UTP6: variants seen among roughly 807,000 people sequenced by gnomAD.
The protein encoded by UTP6 is U3 small nucleolar RNA-associated protein 6 homolog.
Under a neutral mutation model 96.5 loss-of-function variants are expected in UTP6, and 60 were observed. That is an observed-to-expected ratio of 0.62 (90% CI 0.51 to 0.77). UTP6 has a LOEUF of 0.77. Ranked by LOEUF, UTP6 falls within the 30% of genes least tolerant of loss-of-function variation. UTP6 has a pLI of 0.00. For synonymous variants in UTP6, 215 were observed against 240.1 expected (o/e 0.90, Z 0.96); for missense variants, 637 against 706.5 (o/e 0.90, Z 1.12).
chr17:31,862,190 CG>C lies in UTP6; in HGVS notation c.*1168del. The C allele has an allele frequency of 6.6e-6, 1 of 151,842 alleles. No homozygotes were observed. Among genetic ancestry groups the C allele is most frequent in the East Asian group, 1.9e-4 (1 of 5,132 alleles). The allele number at this position is 151,842 out of a possible 1,614,324, so 9.4% of individuals were successfully genotyped here. On this transcript the variant is annotated 3_prime_UTR_variant, in exon 19 of 19. Coordinates refer to ENST00000261708, the MANE Select transcript of UTP6 (RefSeq NM_018428.3). ...GTGCCTGTAATCCCACCCAGCTGCT[CG>C]GGAGGCTGAGCCAGAACCACTTGAA... is the stretch of plus-strand genomic sequence containing the variant.
rs1567776595 is a variant in UTP6 at position 31,868,324 on chromosome 17, G to GT, written c.1497-213_1497-212insA. Among the ~76,000 whole-genome samples, 306 of 58,736 alleles carry GT rather than the reference G, an allele frequency of 5.2e-3. 3 individuals carry two copies. The highest frequency in any genetic ancestry group is 0.015 in the African/African-American group (294 of 19,742). The allele number at this position is 58,736 out of a possible 152,430, so 38.5% of individuals were successfully genotyped here. A position where few individuals can be genotyped will look rare whatever the true frequency, so the allele number is the denominator to read the frequency against. ...CTTCATACCCAGTTCTTAGTTTTTT[G>GT]GTTTTTTTTTTTTTTTTTTTTTTGA... On this transcript the variant is annotated intron_variant, in intron 16 of 18. Coordinates refer to ENST00000261708, the MANE Select transcript of UTP6 (RefSeq NM_018428.3).
intron 2 of UTP6, among the ~76,000 whole-genome samples, chr17:31,896,705 T>A (rs866032010): frequency 6.6e-6 from 1 of 151,640 alleles, no homozygotes. Flanking sequence ...GGCGCCATCA[T>A]GGCTCACTAC....
At chr17:31,878,881 C>T in intron 11 of UTP6, 100 bp from the exon 12 acceptor site, 1 of 1,103,894 alleles carries the variant, frequency 9.1e-7, no homozygotes, top group East Asian at 2.4e-5. Context: ...CATCCTACAC[C>T]TTTACTTCAA....
Position 31,863,233 on chromosome 17 carries a change from G to T in UTP6, c.*126C>A. ...TAACAAGTTAACATAAAATTAAAGT[G>T]TGTCTCAAAACCAGACAGCCATCTT... On this transcript the variant is annotated 3_prime_UTR_variant, in exon 19 of 19. Transcript: ENST00000261708. The T allele has an allele frequency of 1.1e-6, 1 of 951,348 alleles. No individual in the cohort carries two copies. Among genetic ancestry groups the T allele is most frequent in the Non-Finnish European group, 1.6e-6 (1 of 629,406 alleles). The allele number at this position is 951,348 out of a possible 1,614,324, so 58.9% of individuals were successfully genotyped here. A position where few individuals can be genotyped will look rare whatever the true frequency, so the allele number is the denominator to read the frequency against.
intron 10 of UTP6, among the ~76,000 whole-genome samples, chr17:31,883,007 A>G (rs915035967): frequency 6.6e-6 from 1 of 152,048 alleles, no homozygotes; most frequent in Non-Finnish European, 1.5e-5. Context: ...AAGCTTACAA[A>G]TAATTGTTAA....
At chr17:31,898,447 C>T (rs1180146988) in intron 2 of UTP6, among the ~76,000 whole-genome samples, 2 of 152,028 alleles carry the variant, frequency 1.3e-5, no homozygotes, top group African/African-American at 2.4e-5. Flanking sequence ...ACTGCTTGAA[C>T]CCAGGAAGCG....
rs1911192941 is a variant in UTP6 at position 31,887,121 on chromosome 17, T to G, written c.621+115A>C. 4.3e-6 allele frequency: 4 copies of G among 939,884 alleles called. No individual in the cohort carries two copies. The East Asian group carries it at 1.1e-4, about 26-fold the overall frequency. The allele number at this position is 939,884 out of a possible 1,614,324, so 58.2% of individuals were successfully genotyped here. A position where few individuals can be genotyped will look rare whatever the true frequency, so the allele number is the denominator to read the frequency against. Reference sequence around the variant, plus strand: ...CTGTGTGACAGACCGAGACTCCGTCTCAAAAAAAAAGAAAAAAAAAGAAAA... The same window carrying G: ...CTGTGTGACAGACCGAGACTCCGTCGCAAAAAAAAAGAAAAAAAAAGAAAA... On this transcript the variant is annotated intron_variant, in intron 8 of 18. Coordinates refer to ENST00000261708, the MANE Select transcript of UTP6 (RefSeq NM_018428.3).
intron 17 of UTP6, among the ~76,000 whole-genome samples, chr17:31,866,887 CAAAAAAA>C (rs56235737): frequency 1.1e-4 from 5 of 43,568 alleles, no homozygotes; most frequent in African/African-American, 2.3e-4. Flanking sequence ...ACTCTTGTCT[CAAAAAAA>C]AAAAAAAAAA....
intron 2 of UTP6, among the ~76,000 whole-genome samples, chr17:31,896,500 T>C (rs1317153331): frequency 2.0e-5 from 3 of 152,228 alleles, no homozygotes; most frequent in African/African-American, 7.2e-5. Context: ...TGCCCATTTT[T>C]CTTTTTAGTT....
chr17:31,897,569 C>T (rs1389610068), intron 2 of UTP6, among the ~76,000 whole-genome samples: 1 of 151,534 alleles, frequency 6.6e-6, no homozygotes, highest in Non-Finnish European at 1.5e-5. Flanking sequence ...CTGCCTCAGC[C>T]CCTGAGTAGC....
intron 9 of UTP6, 52 bp from the exon 10 acceptor site, chr17:31,884,557 T>G: frequency 7.1e-7 from 1 of 1,406,416 alleles, no homozygotes; most frequent in Non-Finnish European, 9.9e-7. Context: ...AGAATCACTT[T>G]ACTTTAAAAG....
chr17:31,898,259 G>A (rs867561738), intron 2 of UTP6, among the ~76,000 whole-genome samples: 3 of 152,114 alleles, frequency 2.0e-5, no homozygotes, highest in Non-Finnish European at 4.4e-5. Flanking sequence ...GATGTTGGCC[G>A]GGCGTGGTGG....
At chr17:31,884,802 C>A (rs1473883742) in intron 9 of UTP6, 2 of 241,842 alleles carry the variant, frequency 8.3e-6, no homozygotes, top group East Asian at 9.9e-5. Flanking sequence ...ACCAGTTATG[C>A]CATCACTTTG....
At chr17:31,892,193 G>A (rs1193800637) in intron 6 of UTP6, 67 bp downstream of exon 6, 33 of 1,546,812 alleles carry the variant, frequency 2.1e-5, no homozygotes, top group Admixed American at 5.2e-5. Flanking sequence ...TTCATCAATC[G>A]AAATAAAATC....
At chr17:31,893,096 C>A (rs1904421689) in intron 4 of UTP6, among the ~76,000 whole-genome samples, 1 of 152,040 alleles carries the variant, frequency 6.6e-6, no homozygotes. Context: ...TATGGTGAAA[C>A]CCCGTCTCTA....
Position 31,892,770 on chromosome 17 carries a change from A to C in UTP6, c.337T>G (p.Tyr113Asp). 1 of 1,614,188 alleles carries C rather than the reference A, an allele frequency of 6.2e-7. No individual in the cohort carries two copies. The highest frequency in any genetic ancestry group is 8.5e-7 in the Non-Finnish European group (1 of 1,180,014). ...WKDDVQLWLS[Y>D]VAFCKKWATK... ...ACCCACTTCTTACAAAAAGCCACAT[A>C]GGAGAGCCAAAGTTGAACATCGTCC... The change falls in exon 5 of 19, where the codon TAT becomes GAT. Residue 113 changes from tyrosine to aspartate, a missense_variant. By Grantham distance (160) the Tyr-to-Asp change is radical. Transcript: ENST00000261708.
At position 31,878,704 on chromosome 17, in the gene UTP6, T is replaced by C. The variant is rs1421249928; in HGVS notation, c.1045A>G (p.Lys349Glu). Residue 349 changes from lysine (K) to glutamate (E), a missense_variant and splice_region_variant, in exon 12 of 19, where the codon AAG (lysine) becomes GAG (glutamate). Physicochemically the swap from Lys to Glu is moderately conservative, Grantham distance 56. Coordinates refer to ENST00000261708, the MANE Select transcript of UTP6 (RefSeq NM_018428.3). Reference sequence around the variant, plus strand: ...CTGTAACCATGTAACAACCTCACCTTCCCTCTAAGGAACCCACTATTTGAC... The same window carrying C: ...CTGTAACCATGTAACAACCTCACCTCCCCTCTAAGGAACCCACTATTTGAC... ...KKSNSGFLRG[K>E]RLERTMTVFR... 4 of 1,613,726 alleles carry C rather than the reference T, an allele frequency of 2.5e-6. No homozygotes were observed. Among genetic ancestry groups the C allele is most frequent in the Non-Finnish European group, 3.4e-6 (4 of 1,179,876 alleles).
intron 10 of UTP6, among the ~76,000 whole-genome samples, chr17:31,883,564 C>A (rs147062357): frequency 2.1e-3 from 314 of 152,130 alleles, no homozygotes; most frequent in African/African-American, 7.3e-3. Flanking sequence ...ATCCATGCAT[C>A]TCGGCCTCCC....
At chr17:31,866,356 G>A (rs1598092372) in intron 17 of UTP6, among the ~76,000 whole-genome samples, 1 of 152,036 alleles carries the variant, frequency 6.6e-6, no homozygotes, top group African/African-American at 2.4e-5. Flanking sequence ...AGTACTTTGG[G>A]AGGCCAAGGC....
Sources: gnomAD v4.1 joint callset for allele counts (sites outside exome capture counted in the v4.1 genomes callset) on GRCh38, gnomAD v4.1.1 for gene constraint, MANE v1.5 for transcripts, NCBI Gene and HGNC (gene_info 2026-07-23, HGNC 2026-07-21) for gene names.